FGD5: variants seen among roughly 807,000 people sequenced by gnomAD.
FGD5 encodes the protein FYVE, RhoGEF and PH domain-containing protein 5.
FGD5 carries 28 observed loss-of-function variants against 133.4 expected under a neutral mutation model. The observed-to-expected ratio is 0.21, with a 90% CI of 0.16 to 0.29. The LOEUF is 0.29. FGD5 is among the 10% of genes least tolerant of loss of function. The probability of loss-of-function intolerance (pLI) is 1.00; values close to 1 mark genes in which losing one functional copy is unlikely to be tolerated. For missense variants in FGD5, 1,858 were observed against 1,895.2 expected, an observed-to-expected ratio of 0.98 and a Z score of 0.36; for synonymous variants, 810 against 776.5, an observed-to-expected ratio of 1.04 and a Z score of -0.72.
intron 4 of FGD5, among the ~76,000 whole-genome samples, chr3:14,895,208 A>G (rs1035900070): frequency 6.6e-6 from 1 of 152,042 alleles, no homozygotes; most frequent in Non-Finnish European, 1.5e-5. Flanking sequence ...TTTTAGACTG[A>G]TGTAGTCCCA....
chr3:14,913,726 C>CA (rs2038496084), intron 11 of FGD5, among the ~76,000 whole-genome samples: 1 of 152,208 alleles, frequency 6.6e-6, no homozygotes, highest in African/African-American at 2.4e-5. Flanking sequence ...ACAGACACAA[C>CA]AGCCTGGCTT....
chr3:14,867,795 C>T (rs895345065), intron 2 of FGD5, among the ~76,000 whole-genome samples: 1 of 152,230 alleles, frequency 6.6e-6, no homozygotes, highest in Admixed American at 6.5e-5. Flanking sequence ...AAAGACCTCT[C>T]ATCTCCATGC....
chr3:14,857,798 A>G (rs2037312975), intron 1 of FGD5, among the ~76,000 whole-genome samples: 1 of 152,066 alleles, frequency 6.6e-6, no homozygotes, highest in Non-Finnish European at 1.5e-5. Context: ...GGCTATGGAA[A>G]CACCACCAGT....
At chr3:14,918,535 C>T (rs751577254) in intron 12 of FGD5, among the ~76,000 whole-genome samples, 27 of 152,340 alleles carry the variant, frequency 1.8e-4, no homozygotes, top group South Asian at 6.2e-4. Flanking sequence ...CTGAGCATGA[C>T]GCTCTGCAGC....
chr3:14,839,325 C>T (rs985811060), intron 1 of FGD5, among the ~76,000 whole-genome samples: 4 of 152,166 alleles, frequency 2.6e-5, no homozygotes, highest in Admixed American at 2.6e-4. Flanking sequence ...AAGGGTGTTT[C>T]GTAGACCACA....
At position 14,821,367 on chromosome 3, in the gene FGD5, T is replaced by C. The variant is rs993144379; in HGVS notation, c.2296T>C (p.Phe766Leu). 6.2e-7 allele frequency: 1 copy of C among 1,613,994 alleles called. No homozygotes were observed. The highest frequency in any genetic ancestry group is 8.5e-7 in the Non-Finnish European group (1 of 1,179,898). ...ACTGACCAAGCCACGGTCCATCTCC[T>C]TCCCCAGCGCTGACACTTCAGACTA... ...LPLTKPRSIS[F>L]PSADTSDYEN... is the part of the protein sequence containing the mutation. The change falls in exon 1 of 20, where the codon TTC (phenylalanine) becomes CTC (leucine). Residue 766 changes from phenylalanine to leucine, a missense_variant. Physicochemically the swap from Phe to Leu is conservative, Grantham distance 22. Around this residue, in one of 3 missense-constraint regions of FGD5, gnomAD observed 1,824 missense variants for 1,848.9 expected, o/e 0.99. Transcript: ENST00000285046.
intron 7 of FGD5, among the ~76,000 whole-genome samples, chr3:14,900,070 C>G (rs953062094): frequency 1.3e-5 from 2 of 152,238 alleles, no homozygotes; most frequent in African/African-American, 4.8e-5. Context: ...CCACACAACA[C>G]ACTCGGCTGT....
At chr3:14,828,812 G>A in intron 1 of FGD5, among the ~76,000 whole-genome samples, 1 of 150,034 alleles carries the variant, frequency 6.7e-6, no homozygotes, top group East Asian at 1.9e-4. Flanking sequence ...GACATTTGAG[G>A]TGGGTCTCTT....
intron 10 of FGD5, 27 bp from the exon 11 acceptor site, chr3:14,910,834 C>G (rs117236029): frequency 6.2e-7 from 1 of 1,607,016 alleles, no homozygotes; most frequent in African/African-American, 1.3e-5. Context: ...TCAGCCTGAC[C>G]GCCAAGTTCT....
chr3:14,914,131 A>G (rs1005868350), intron 11 of FGD5, among the ~76,000 whole-genome samples: 12 of 152,202 alleles, frequency 7.9e-5, no homozygotes, highest in African/African-American at 2.9e-4. Context: ...GGAGGGATAC[A>G]TGGGAGGAGG....
At chr3:14,868,664 T>C (rs554444959) in intron 2 of FGD5, among the ~76,000 whole-genome samples, 2 of 152,342 alleles carry the variant, frequency 1.3e-5, no homozygotes, top group South Asian at 4.1e-4. Context: ...CAGCCTGTGC[T>C]TCCCACTCCC....
At chr3:14,851,776 A>G (rs568621192) in intron 1 of FGD5, among the ~76,000 whole-genome samples, 1 of 152,262 alleles carries the variant, frequency 6.6e-6, no homozygotes, top group Admixed American at 6.5e-5. Flanking sequence ...TAAAGCCTTC[A>G]TGGTCACAGT....
chr3:14,840,468 C>A (rs2036900227), intron 1 of FGD5, among the ~76,000 whole-genome samples: 1 of 151,908 alleles, frequency 6.6e-6, no homozygotes, highest in Non-Finnish European at 1.5e-5. Flanking sequence ...CTATCTCCCT[C>A]CCCCCAACCC....
intron 19 of FGD5, 102 bp downstream of exon 19, chr3:14,932,833 C>A: frequency 7.4e-7 from 1 of 1,352,106 alleles, no homozygotes; most frequent in Non-Finnish European, 1.0e-6. Context: ...TCATCCTATC[C>A]CATTAGGTCC....
At chr3:14,837,508 C>A (rs932903467) in intron 1 of FGD5, among the ~76,000 whole-genome samples, 2 of 152,148 alleles carry the variant, frequency 1.3e-5, no homozygotes. Flanking sequence ...GGAGGACTAG[C>A]CTTCTCTAGG....
intron 4 of FGD5, among the ~76,000 whole-genome samples, chr3:14,889,866 T>A (rs293928): frequency 0.64 from 97,576 of 151,952 alleles, 32,204 homozygotes; most frequent in African/African-American, 0.79. Context: ...GCTTTTTTTT[T>A]AAAAAAATTG....
chr3:14,888,375 G>A (rs2037963893), intron 4 of FGD5, among the ~76,000 whole-genome samples: 1 of 152,168 alleles, frequency 6.6e-6, no homozygotes, highest in Admixed American at 6.5e-5. Context: ...TACGTGAATA[G>A]TCTGACAATG....
intron 1 of FGD5, among the ~76,000 whole-genome samples, chr3:14,855,189 G>A (rs2037254640): frequency 6.6e-6 from 1 of 152,122 alleles, no homozygotes; most frequent in Admixed American, 6.6e-5. Flanking sequence ...ACAAATGACA[G>A]GATTTCTTTC....
intron 4 of FGD5, among the ~76,000 whole-genome samples, chr3:14,884,417 C>T (rs2037886026): frequency 2.0e-5 from 3 of 152,222 alleles, no homozygotes; most frequent in South Asian, 4.1e-4. Flanking sequence ...ACCTCCTTTA[C>T]CGTTTACTTC....
Sources: allele counts gnomAD v4.1 joint callset (sites outside exome capture counted in the v4.1 genomes callset), GRCh38; gene constraint gnomAD v4.1.1; regional missense constraint gnomAD v4.1.1; transcripts MANE v1.5; gene names NCBI Gene and HGNC (gene_info 2026-07-23, HGNC 2026-07-21).